MACF1: variants seen among roughly 807,000 people sequenced by gnomAD.
The protein encoded by MACF1 is microtubule actin crosslinking factor 1.
In MACF1, 193 loss-of-function variants were observed where a neutral mutation model predicts 854.8. The observed-to-expected ratio is 0.23, with a 90% CI of 0.20 to 0.25. The LOEUF (loss-of-function observed/expected upper bound fraction) is 0.25, where lower values mean the gene tolerates loss of function less well. Ranked by LOEUF, MACF1 falls within the 10% of genes least tolerant of loss-of-function variation. MACF1 has a pLI of 1.00. For synonymous variants in MACF1, 3,185 were observed against 3,226.7 expected (o/e 0.99, Z 0.44); for missense variants, 7,722 against 8,929.1 (o/e 0.86, Z 5.45).
At chr1:39,330,607 C>G (rs2148467137) in intron 36 of MACF1, among the ~76,000 whole-genome samples, 1 of 152,242 alleles carries the variant, frequency 6.6e-6, no homozygotes, top group East Asian at 1.9e-4. Flanking sequence ...CCCTGTAGAG[C>G]TTGTCACTCA....
chr1:39,310,776 G>A (rs1470161703), intron 25 of MACF1, 55 bp from the exon 26 acceptor site: 2 of 1,495,762 alleles, frequency 1.3e-6, no homozygotes, highest in African/African-American at 2.8e-5. Context: ...AGGATATCAG[G>A]TCTGCTTATC....
chr1:39,198,126 A>T (rs1007318078), intron 2 of MACF1, among the ~76,000 whole-genome samples: 1 of 152,170 alleles, frequency 6.6e-6, no homozygotes, highest in African/African-American at 2.4e-5. Flanking sequence ...TGAGCCCGGT[A>T]GTTTGAGGCT....
chr1:39,243,679 A>C (rs1424482528), intron 2 of MACF1, among the ~76,000 whole-genome samples: 1 of 152,224 alleles, frequency 6.6e-6, no homozygotes, highest in African/African-American at 2.4e-5. Flanking sequence ...CTGCAATAAC[A>C]TGCTTGAGCC....
chr1:39,120,813 A>G (rs1571066043), intron 2 of MACF1: 1 of 152,160 alleles, frequency 6.6e-6, no homozygotes, highest in East Asian at 1.9e-4. Flanking sequence ...TCCCTCAAGC[A>G]TTTATCTTTG....
rs376749043 is a variant in MACF1, at chr1:39,333,015, C to T, written c.6427C>T (p.Pro2143Ser). ...ACCTCCTGCTGAGGCGGAAGGTGTG[C>T]CGTTGGTGGTTGACAAAGATGTTTT... is the stretch of plus-strand genomic sequence containing the variant. ...TIPPAEAEGV[P>S]LVVDKDVFSV... Residue 2143 changes from proline to serine, a missense_variant, in exon 37 of 101, where the codon CCG becomes TCG. Pro to Ser is a moderately conservative substitution (Grantham distance 74). This residue lies in a region of MACF1 where 1,531 missense variants were observed against 1,601.6 expected (regional missense o/e 0.96). Coordinates refer to ENST00000564288, the MANE Select transcript of MACF1 (RefSeq NM_001394062.1). The T allele has an allele frequency of 2.4e-5, 38 of 1,613,902 alleles. 1 individual carries two copies. Among genetic ancestry groups the T allele is most frequent in the Middle Eastern group, 1.6e-4 (1 of 6,082 alleles).
intron 56 of MACF1, among the ~76,000 whole-genome samples, chr1:39,382,462 TG>T (rs1650310280): frequency 6.6e-6 from 1 of 151,912 alleles, no homozygotes; most frequent in Non-Finnish European, 1.5e-5. Context: ...CCCAGCACTT[TG>T]GGAGGTCGAG....
At position 39,479,880 on chromosome 1, in the gene MACF1, A is replaced by G. The variant is rs1198483892; in HGVS notation, c.22041A>G (p.Ser7347=). The G allele has an allele frequency of 1.2e-6, 2 of 1,614,132 alleles. No individual in the cohort carries two copies. The highest frequency in any genetic ancestry group is 1.7e-6 in the Non-Finnish European group (2 of 1,180,034). ...GASQGMTPFR[S]RGRRSKPSSR... is the part of the protein sequence containing the mutation. Reference sequence around the variant, plus strand: ...CCCAGGGAATGACCCCCTTCCGCTCACGGGGTCGAAGGTCCAAACCATCTT... The same window carrying G: ...CCCAGGGAATGACCCCCTTCCGCTCGCGGGGTCGAAGGTCCAAACCATCTT... The change falls in exon 98 of 101, where the codon TCA becomes TCG. Residue 7347 remains serine, a synonymous_variant. Coordinates refer to ENST00000564288, the MANE Select transcript of MACF1 (RefSeq NM_001394062.1).
intron 94 of MACF1, 156 bp from the exon 95 acceptor site, chr1:39,464,939 C>A: frequency 1.4e-6 from 1 of 711,978 alleles, no homozygotes; most frequent in Non-Finnish European, 2.4e-6. Context: ...AAAACCACAT[C>A]CCTGTGGCAG....
intron 14 of MACF1, among the ~76,000 whole-genome samples, chr1:39,286,322 T>C (rs1001254817): frequency 6.6e-6 from 1 of 152,122 alleles, no homozygotes; most frequent in Non-Finnish European, 1.5e-5. Context: ...CCCATTCTCA[T>C]ATATTTTAGA....
chr1:39,343,890 C>T (rs1333086252), intron 40 of MACF1, among the ~76,000 whole-genome samples: 14 of 151,700 alleles, frequency 9.2e-5, no homozygotes, highest in South Asian at 4.2e-4. Flanking sequence ...CCGAGGCGGG[C>T]GGATCACCTG....
In MACF1 at chr1:39,388,414, G is replaced by A. The variant is rs1301689752; in HGVS notation, c.15572G>A (p.Gly5191Glu). 1 of 1,613,934 alleles carries A rather than the reference G, an allele frequency of 6.2e-7. No individual in the cohort carries two copies. Among genetic ancestry groups the A allele is most frequent in the African/African-American group, 1.3e-5 (1 of 74,898 alleles). The change falls in exon 58 of 101, where the codon GGG becomes GAG. Residue 5191 changes from glycine (G) to glutamate (E), a missense_variant. Gly to Glu is a moderately conservative substitution (Grantham distance 98). Transcript: ENST00000564288. Reference protein sequence around the residue: ...AECRHMLEEEGTLDLLGLKRE... With the variant: ...AECRHMLEEEETLDLLGLKRE... Reference sequence around the variant, plus strand: ...TGTCGACATATGCTAGAAGAAGAGGGGACTCTGGATTTGTTAGGTCTCAAA... The same window carrying A: ...TGTCGACATATGCTAGAAGAAGAGGAGACTCTGGATTTGTTAGGTCTCAAA...
Position 39,332,560 on chromosome 1 carries a change from C to A in MACF1, c.5972C>A (p.Thr1991Lys), listed in dbSNP as rs568619867. Residue 1991 changes from threonine (T) to lysine (K), a missense_variant, in exon 37 of 101, where the codon ACA becomes AAA. Physicochemically the swap from Thr to Lys is moderately conservative, Grantham distance 78. This residue lies in a region of MACF1 where 1,531 missense variants were observed against 1,601.6 expected (regional missense o/e 0.96). Transcript: ENST00000564288. ...LLLLDKELME[T>K]LTSRDEYQTS... ...CTGTTAGATAAAGAGCTGATGGAGACACTAACATCCAGAGATGAGTATCAA... is the reference window on the plus strand; with the variant it reads ...CTGTTAGATAAAGAGCTGATGGAGAAACTAACATCCAGAGATGAGTATCAA... The A allele has an allele frequency of 7.4e-6, 12 of 1,614,080 alleles. No homozygotes were observed. In the African/African-American group the frequency reaches 1.6e-4, roughly 22 times the overall value.
In MACF1 at chr1:39,381,945, C is replaced by T; in HGVS notation, c.13649-8C>T. The T allele has an allele frequency of 1.2e-6, 2 of 1,610,288 alleles. No homozygotes were observed. Among genetic ancestry groups the T allele is most frequent in the Non-Finnish European group, 1.7e-6 (2 of 1,176,944 alleles). ...AAAGGAATACATTCCCTCATTTCCTCTCTACAGATTCCCGATGGGAAAGGG... is the reference window on the plus strand; with the variant it reads ...AAAGGAATACATTCCCTCATTTCCTTTCTACAGATTCCCGATGGGAAAGGG... On this transcript the variant is annotated splice_region_variant and splice_polypyrimidine_tract_variant and intron_variant, in intron 55 of 100. Transcript: ENST00000564288.
intron 2 of MACF1, among the ~76,000 whole-genome samples, chr1:39,161,099 G>A (rs951333557): frequency 6.6e-6 from 1 of 152,130 alleles, no homozygotes; most frequent in Non-Finnish European, 1.5e-5. Flanking sequence ...GAATTGGGGT[G>A]CAATATTTTC....
At chr1:39,227,938 A>T (rs1644734597) in intron 1 of MACF1, among the ~76,000 whole-genome samples, 1 of 152,174 alleles carries the variant, frequency 6.6e-6, no homozygotes, top group Admixed American at 6.5e-5. Context: ...GTCCCTACCC[A>T]GGTAGGCTTA....
chr1:39,100,839 G>A (rs1229513217), intron 2 of MACF1, among the ~76,000 whole-genome samples: 1 of 152,086 alleles, frequency 6.6e-6, no homozygotes, highest in African/African-American at 2.4e-5. Flanking sequence ...GGGTGACAGA[G>A]TGAGACTCCG....
chr1:39,455,054 C>T lies in MACF1; in HGVS notation c.21032C>T (p.Pro7011Leu), dbSNP rs145113396. Reference protein sequence around the residue: ...TLIQRDQEPIPQNIDRVKALI... With the variant: ...TLIQRDQEPILQNIDRVKALI... ...ATTCAGCGGGATCAGGAGCCAATCC[C>T]GCAGAACATTGACCGAGTTAAAGCC... Residue 7011 changes from proline to leucine, a missense_variant, in exon 89 of 101, where the codon CCG (proline) becomes CTG (leucine). Transcript: ENST00000564288. 429 of 1,614,076 alleles carry T rather than the reference C, an allele frequency of 2.7e-4. 1 individual carries two copies. In the African/African-American group the frequency reaches 4.1e-3, roughly 15 times the overall value.
intron 81 of MACF1, 25 bp downstream of exon 81, chr1:39,447,612 A>G: frequency 6.2e-7 from 1 of 1,613,658 alleles, no homozygotes; most frequent in African/African-American, 1.3e-5. Context: ...ATGATGCTGC[A>G]TTCTTTTTGA....
chr1:39,197,374 T>C (rs1408250122), intron 2 of MACF1, among the ~76,000 whole-genome samples: 1 of 152,184 alleles, frequency 6.6e-6, no homozygotes, highest in East Asian at 1.9e-4. Context: ...TCTCTAATAA[T>C]AAATGTAGGT....
Sources: allele counts gnomAD v4.1 joint callset (sites outside exome capture counted in the v4.1 genomes callset), GRCh38; gene constraint gnomAD v4.1.1; regional missense constraint gnomAD v4.1.1; transcripts MANE v1.5; gene names NCBI Gene and HGNC (gene_info 2026-07-23, HGNC 2026-07-21).